The following ASAP1 variants were observed in gnomAD, a reference collection of about 807,000 sequenced individuals.
The protein encoded by ASAP1 is arf-GAP with SH3 domain, ANK repeat and PH domain-containing protein 1.
In ASAP1, 43 loss-of-function variants were observed where a neutral mutation model predicts 145.2. The observed-to-expected ratio is 0.30, with a 90% CI of 0.23 to 0.38. The LOEUF (loss-of-function observed/expected upper bound fraction) is 0.38, where lower values mean the gene tolerates loss of function less well. Among genes scored for constraint, ASAP1 ranks in the 10% least tolerant of loss-of-function variants. The pLI is 1.00. For synonymous variants in ASAP1, 546 were observed against 515.5 expected, an observed-to-expected ratio of 1.06 and a Z score of -0.80; for missense variants, 1,018 against 1,355.3, an observed-to-expected ratio of 0.75 and a Z score of 3.91.
At chr8:130,159,454 C>G (rs2097664634) in intron 12 of ASAP1, among the ~76,000 whole-genome samples, 1 of 149,488 alleles carries the variant, frequency 6.7e-6, no homozygotes, top group Middle Eastern at 3.4e-3. Flanking sequence ...AATCTCGTCT[C>G]TAGTAAAAAT....
In ASAP1 at chr8:130,053,390, G is replaced by A. The variant is rs2134962629; in HGVS notation, c.*1341C>T. The A allele has an allele frequency of 6.6e-6, 1 of 152,290 alleles. No homozygotes were observed. The highest frequency in any genetic ancestry group is 2.4e-5 in the African/African-American group (1 of 41,582). The allele number at this position is 152,290 out of a possible 1,614,324, so 9.4% of individuals were successfully genotyped here. On this transcript the variant is annotated 3_prime_UTR_variant, in exon 30 of 30. Coordinates refer to ENST00000518721, the MANE Select transcript of ASAP1 (RefSeq NM_018482.4). ...TTCCAAAATTCAGACTGATGTAAAA[G>A]ACTGAAATACAATGTTCTTAAGGAT...
intron 27 of ASAP1, among the ~76,000 whole-genome samples, chr8:130,072,825 G>GTGCGTGTGTGCGCGCGCGCGCA: frequency 3.7e-5 from 2 of 54,098 alleles, no homozygotes; most frequent in Non-Finnish European, 7.3e-5. Context: ...GTGTGTGTGT[G>GTGCGTGTGTGCGCGCGCGCGCA]CGCGCGGGGG....
intron 15 of ASAP1, among the ~76,000 whole-genome samples, chr8:130,128,329 G>A (rs114195377): frequency 2.6e-4 from 40 of 151,978 alleles, no homozygotes; most frequent in African/African-American, 9.2e-4. Flanking sequence ...GAGAGGAGAG[G>A]AGCAGATGAG....
intron 13 of ASAP1, among the ~76,000 whole-genome samples, chr8:130,137,533 T>G (rs1473216551): frequency 6.6e-6 from 1 of 152,200 alleles, no homozygotes; most frequent in African/African-American, 2.4e-5. Context: ...TTTCATTTAT[T>G]CATTCAAAAT....
chr8:130,116,870 A>C lies in ASAP1; in HGVS notation c.1996+10T>G. The C allele has an allele frequency of 6.2e-7, 1 of 1,607,888 alleles. No individual in the cohort carries two copies. Among genetic ancestry groups the C allele is most frequent in the Non-Finnish European group, 8.5e-7 (1 of 1,174,668 alleles). ...TACTACAGTCATGAAGACACTAGAC[A>C]CACTCTTACCTATATCCACAGTGGG... On this transcript the variant is annotated intron_variant, in intron 21 of 29. Transcript: ENST00000518721.
At chr8:130,310,676 T>C (rs913827625) in intron 3 of ASAP1, among the ~76,000 whole-genome samples, 12 of 151,630 alleles carry the variant, frequency 7.9e-5, no homozygotes, top group African/African-American at 2.7e-4. Flanking sequence ...AAATCACATA[T>C]TCTCTAGTTA....
chr8:130,246,217 A>C (rs1293780346), intron 3 of ASAP1, among the ~76,000 whole-genome samples: 1 of 152,170 alleles, frequency 6.6e-6, no homozygotes, highest in African/African-American at 2.4e-5. Context: ...GAGAGAGACT[A>C]GATGAGTGAA....
intron 24 of ASAP1, among the ~76,000 whole-genome samples, chr8:130,107,799 T>A (rs1410430747): frequency 6.6e-6 from 1 of 152,182 alleles, no homozygotes; most frequent in Non-Finnish European, 1.5e-5. Flanking sequence ...TCTGCCTGCC[T>A]TGGCCTCCCA....
At chr8:130,146,743 G>C (rs116642919) in intron 13 of ASAP1, among the ~76,000 whole-genome samples, 3,797 of 152,186 alleles carry the variant, frequency 0.025, 55 homozygotes, top group Middle Eastern at 0.075. Flanking sequence ...GAAAACAACA[G>C]ACCTTAGACC....
At chr8:130,242,552 T>C (rs1367567703) in intron 3 of ASAP1, among the ~76,000 whole-genome samples, 2 of 152,052 alleles carry the variant, frequency 1.3e-5, no homozygotes, top group South Asian at 2.1e-4. Flanking sequence ...GGAGTGAGGA[T>C]TGAAGAGCAA....
At chr8:130,318,936 GA>G (rs1245219587) in intron 3 of ASAP1, among the ~76,000 whole-genome samples, 1 of 152,134 alleles carries the variant, frequency 6.6e-6, no homozygotes, top group Non-Finnish European at 1.5e-5. Flanking sequence ...AGTGGGAAGG[GA>G]AAAAACCCAT....
At chr8:130,310,246 C>T (rs2791344) in intron 3 of ASAP1, among the ~76,000 whole-genome samples, 95,056 of 151,786 alleles carry the variant, frequency 0.63, 30,059 homozygotes, top group East Asian at 0.78. Flanking sequence ...TAGAAATAAC[C>T]ATTGTTATGG....
chr8:130,386,504 C>G (rs1297438427), intron 2 of ASAP1, among the ~76,000 whole-genome samples: 3 of 152,210 alleles, frequency 2.0e-5, no homozygotes, highest in African/African-American at 7.2e-5. Context: ...ACAGGGCTGT[C>G]GACACAGGGC....
intron 3 of ASAP1, among the ~76,000 whole-genome samples, chr8:130,252,739 C>T (rs769676117): frequency 1.6e-4 from 24 of 152,130 alleles, no homozygotes; most frequent in Non-Finnish European, 3.2e-4. Context: ...CATCTTGATG[C>T]AATTTCAGTC....
intron 29 of ASAP1, among the ~76,000 whole-genome samples, chr8:130,055,235 C>T (rs71522563): frequency 6.6e-6 from 1 of 150,392 alleles, no homozygotes; most frequent in Non-Finnish European, 1.5e-5. Flanking sequence ...TAAGCCTTTT[C>T]TCTGTTAAGT....
chr8:130,219,509 C>T (rs556832324), intron 4 of ASAP1, among the ~76,000 whole-genome samples: 1 of 152,212 alleles, frequency 6.6e-6, no homozygotes, highest in East Asian at 1.9e-4. Context: ...ATGAGTGTTT[C>T]TGAAGGAGAC....
intron 15 of ASAP1, among the ~76,000 whole-genome samples, chr8:130,128,400 G>A (rs546388394): frequency 3.9e-5 from 6 of 152,118 alleles, no homozygotes; most frequent in Admixed American, 6.5e-5. Context: ...CTGCATTTCC[G>A]TGTGGGCATA....
intron 1 of ASAP1, among the ~76,000 whole-genome samples, chr8:130,430,465 G>A (rs1044760568): frequency 2.0e-5 from 3 of 152,216 alleles, no homozygotes; most frequent in African/African-American, 7.2e-5. Context: ...CAGTGGGTAA[G>A]CAGAGAGCCA....
chr8:130,314,558 T>A (rs1167899000), intron 3 of ASAP1, among the ~76,000 whole-genome samples: 1 of 152,180 alleles, frequency 6.6e-6, no homozygotes, highest in East Asian at 1.9e-4. Flanking sequence ...ATAACAGAGT[T>A]AATACCCACA....
Sources: gnomAD v4.1 joint callset for allele counts (sites outside exome capture counted in the v4.1 genomes callset) on GRCh38, gnomAD v4.1.1 for gene constraint, MANE v1.5 for transcripts, NCBI Gene and HGNC (gene_info 2026-07-23, HGNC 2026-07-21) for gene names.